The following PTPRT variants were observed in gnomAD, a reference collection of about 807,000 sequenced individuals.
PTPRT encodes the protein protein tyrosine phosphatase receptor type T.
Under a neutral mutation model 176.8 loss-of-function variants are expected in PTPRT, and 56 were observed. The ratio of observed to expected loss-of-function variants is 0.32; its 90% CI spans 0.26 to 0.40. The LOEUF (loss-of-function observed/expected upper bound fraction) is 0.40, where lower values mean the gene tolerates loss of function less well. Ranked by LOEUF, PTPRT falls within the 10% of genes least tolerant of loss-of-function variation. The pLI, the probability that PTPRT is intolerant of heterozygous loss-of-function variation, is 1.00. For synonymous variants in PTPRT, 783 were observed against 739.0 expected, an observed-to-expected ratio of 1.06 and a Z score of -0.96; for missense variants, 1,540 against 1,908.2, an observed-to-expected ratio of 0.81 and a Z score of 3.60.
At position 42,449,091 on chromosome 20, in the gene PTPRT, A is replaced by T. The variant is rs1020663155; in HGVS notation, c.1451-762T>A. ...TCTCTAACTTTAGGAGTGCTTCATC[A>T]GTTTCTTGACTAATTCCTGAATCCA... On this transcript the variant is annotated intron_variant, in intron 8 of 30. Coordinates refer to ENST00000373187, the MANE Select transcript of PTPRT (RefSeq NM_007050.6). Among the ~76,000 whole-genome samples the T allele has an allele frequency of 3.9e-5, 6 of 152,084 alleles. No homozygotes were observed. In the South Asian group the frequency reaches 1.2e-3, roughly 31 times the overall value.
At chr20:42,837,288 C>T (rs1466659912) in intron 2 of PTPRT, among the ~76,000 whole-genome samples, 1 of 152,202 alleles carries the variant, frequency 6.6e-6, no homozygotes, top group African/African-American at 2.4e-5. Flanking sequence ...TCAGACAACC[C>T]ACAACCCCTG....
intron 1 of PTPRT, among the ~76,000 whole-genome samples, chr20:42,937,237 C>T (rs1980243604): frequency 6.6e-6 from 1 of 152,242 alleles, no homozygotes; most frequent in African/African-American, 2.4e-5. Context: ...ATCCAACGCA[C>T]TGCTCCTACG....
intron 9 of PTPRT, among the ~76,000 whole-genome samples, chr20:42,401,499 T>C (rs1050167012): frequency 4.6e-5 from 7 of 152,140 alleles, no homozygotes; most frequent in Non-Finnish European, 1.0e-4. Context: ...GCATTATTTT[T>C]TAATCAGCAC....
chr20:42,114,032 C>T (rs1252691184), intron 22 of PTPRT, among the ~76,000 whole-genome samples: 1 of 152,214 alleles, frequency 6.6e-6, no homozygotes, highest in East Asian at 1.9e-4. Flanking sequence ...CCTGCTTTGG[C>T]CCTTGCAAGG....
In PTPRT at chr20:42,467,813, T is replaced by C. The variant is rs1052207028; in HGVS notation, c.1450+4453A>G. ...AGAGGTTTATAAGTCTCCTTTGTAC[T>C]ATTCTTTCGATTTTTCTAGCTTTGA... On this transcript the variant is annotated intron_variant, in intron 8 of 30. Transcript: ENST00000373187. 2.0e-5 allele frequency among the ~76,000 whole-genome samples: 3 copies of C among 152,346 alleles called. No individual in the cohort carries two copies. The East Asian group carries it at 5.8e-4, about 29-fold the overall frequency.
chr20:42,459,224 G>C (rs888284086), intron 8 of PTPRT, among the ~76,000 whole-genome samples: 11 of 152,318 alleles, frequency 7.2e-5, no homozygotes, highest in Middle Eastern at 3.4e-3. Context: ...TATGTGAAGA[G>C]AATGATAACT....
At chr20:42,299,406 C>T (rs2057427959) in intron 12 of PTPRT, among the ~76,000 whole-genome samples, 2 of 152,016 alleles carry the variant, frequency 1.3e-5, no homozygotes, top group African/African-American at 4.8e-5. Context: ...TATATTTAGA[C>T]TGAAGAGAGA....
intron 12 of PTPRT, among the ~76,000 whole-genome samples, chr20:42,313,704 G>A (rs1449963215): frequency 6.6e-6 from 1 of 152,134 alleles, no homozygotes; most frequent in African/African-American, 2.4e-5. Flanking sequence ...GTGGGATGCC[G>A]AGAACCGAGA....
chr20:43,082,653 T>C (rs1273548358), intron 1 of PTPRT, among the ~76,000 whole-genome samples: 1 of 152,210 alleles, frequency 6.6e-6, no homozygotes, highest in African/African-American at 2.4e-5. Flanking sequence ...CAGGAGACCA[T>C]GCTTTGTTTA....
At chr20:42,328,399 G>A (rs1371580467) in intron 11 of PTPRT, among the ~76,000 whole-genome samples, 1 of 152,074 alleles carries the variant, frequency 6.6e-6, no homozygotes, top group Admixed American at 6.5e-5. Context: ...CAGAAAAAGA[G>A]GAAAAGCATC....
intron 2 of PTPRT, among the ~76,000 whole-genome samples, chr20:42,844,151 C>T (rs6030518): frequency 6.6e-6 from 1 of 152,208 alleles, no homozygotes; most frequent in African/African-American, 2.4e-5. Context: ...AGGCACTTTC[C>T]ATTCATTATT....
chr20:43,181,932 T>C (rs1455904945), intron 1 of PTPRT, among the ~76,000 whole-genome samples: 2 of 152,156 alleles, frequency 1.3e-5, no homozygotes, highest in African/African-American at 4.8e-5. Context: ...GAGCTTCCAA[T>C]AGCCAAACTG....
intron 7 of PTPRT, among the ~76,000 whole-genome samples, chr20:42,490,362 T>G (rs2071541077): frequency 6.6e-6 from 1 of 152,164 alleles, no homozygotes; most frequent in Non-Finnish European, 1.5e-5. Flanking sequence ...TCCATGGCCA[T>G]AGACTTTTTC....
At chr20:42,257,021 A>C (rs2146947614) in intron 13 of PTPRT, among the ~76,000 whole-genome samples, 1 of 152,332 alleles carries the variant, frequency 6.6e-6, no homozygotes, top group South Asian at 2.1e-4. Context: ...GCCAGTAGGC[A>C]TGCGGGTCCC....
At chr20:43,071,975 C>T (rs979134217) in intron 1 of PTPRT, among the ~76,000 whole-genome samples, 10 of 152,228 alleles carry the variant, frequency 6.6e-5, no homozygotes, top group African/African-American at 1.9e-4. Flanking sequence ...AGGCATACTG[C>T]CTGGTCTATG....
intron 21 of PTPRT, chr20:42,116,154 T>C (rs954130616): frequency 1.4e-6 from 1 of 713,504 alleles, no homozygotes; most frequent in African/African-American, 1.8e-5. Context: ...AAAGGTTTTG[T>C]GGTCAAATGA....
intron 1 of PTPRT, among the ~76,000 whole-genome samples, chr20:43,064,090 T>C (rs1488161692): frequency 6.6e-6 from 1 of 152,108 alleles, no homozygotes; most frequent in Non-Finnish European, 1.5e-5. Context: ...TCCTACCCAA[T>C]TTCCTCTTCT....
chr20:43,060,181 A>G (rs921292341), intron 1 of PTPRT, among the ~76,000 whole-genome samples: 1 of 151,988 alleles, frequency 6.6e-6, no homozygotes, highest in Admixed American at 6.6e-5. Flanking sequence ...ATCTTAGTCC[A>G]TTTGAGCTGC....
At chr20:43,172,382 C>A (rs1036040418) in intron 1 of PTPRT, among the ~76,000 whole-genome samples, 26 of 152,344 alleles carry the variant, frequency 1.7e-4, no homozygotes, top group African/African-American at 6.0e-4. Context: ...CAAGCCCTTG[C>A]ACAGGCTGTG....
Sources: allele counts gnomAD v4.1 joint callset (sites outside exome capture counted in the v4.1 genomes callset), GRCh38; gene constraint gnomAD v4.1.1; transcripts MANE v1.5; gene names NCBI Gene and HGNC (gene_info 2026-07-23, HGNC 2026-07-21).